DHPS: variants seen among roughly 807,000 people sequenced by gnomAD.
DHPS encodes the protein migration-inducing gene 13.
A neutral mutation model predicts 38.7 loss-of-function variants in DHPS; 24 were observed. The ratio of observed to expected loss-of-function variants is 0.62; its 90% CI spans 0.45 to 0.87. The LOEUF is 0.87. Ranked by LOEUF, DHPS falls within the 40% of genes least tolerant of loss-of-function variation. DHPS has a pLI of 0.00. For synonymous variants in DHPS, 250 were observed against 204.4 expected (o/e 1.22, Z -1.90); for missense variants, 510 against 497.6 (o/e 1.02, Z -0.24).
chr19:12,677,979 G>A (rs1172343965), intron 5 of DHPS, among the ~76,000 whole-genome samples: 5 of 150,878 alleles, frequency 3.3e-5, no homozygotes, highest in Non-Finnish European at 7.4e-5. Flanking sequence ...GTGGCCGGGC[G>A]CGGTGGCTCA....
At position 12,679,367 on chromosome 19, in the gene DHPS, T is replaced by A. The variant is rs1265962299; in HGVS notation, c.678+90A>T. The A allele has an allele frequency of 2.5e-5, 31 of 1,224,382 alleles. No homozygotes were observed. In the East Asian group the frequency reaches 6.7e-4, roughly 27 times the overall value. The allele number at this position is 1,224,382 out of a possible 1,614,324, so 75.8% of individuals were successfully genotyped here. ...CATCTAAGAGTGAGGATGCTGAGAA[T>A]AACAGTACTGAATCCCCAGGAGGCT... On this transcript the variant is annotated intron_variant, in intron 5 of 8. Transcript: ENST00000210060.
chr19:12,679,883 C>G lies in DHPS; in HGVS notation c.412G>C (p.Asp138His), dbSNP rs2024741544. 4.3e-6 allele frequency: 7 copies of G among 1,614,018 alleles called. No homozygotes were observed. The highest frequency in any genetic ancestry group is 1.1e-5 in the South Asian group (1 of 91,074). Reference protein sequence around the residue: ...LVTTAGGVEEDLIKCLAPTYL... With the variant: ...LVTTAGGVEEHLIKCLAPTYL... ...GTGGGCGCCAGGCACTTGATGAGGT[C>G]TTCCTCCACGCCGCCAGCTGTGGTC... is the stretch of plus-strand genomic sequence containing the variant. The change falls in exon 3 of 9, where the codon GAC (aspartate) becomes CAC (histidine). Residue 138 changes from aspartate (D) to histidine (H), a missense_variant. Asp to His is a moderately conservative substitution (Grantham distance 81). Coordinates refer to ENST00000210060, the MANE Select transcript of DHPS (RefSeq NM_001930.4).
In DHPS at chr19:12,678,940, T is replaced by C. The variant is rs1286614583; in HGVS notation, c.678+517A>G. Among the ~76,000 whole-genome samples the C allele has an allele frequency of 2.6e-5, 4 of 150,982 alleles. No homozygotes were observed. The South Asian group carries it at 6.3e-4, about 24-fold the overall frequency. ...AGTGTTGCCTCTACTGTTCCAGAGATAGTCTGGGAGGAGCATAAGGATGCT... is the reference window on the plus strand; with the variant it reads ...AGTGTTGCCTCTACTGTTCCAGAGACAGTCTGGGAGGAGCATAAGGATGCT... On this transcript the variant is annotated intron_variant, in intron 5 of 8. Transcript: ENST00000210060.
Position 12,681,786 on chromosome 19 carries a change from G to C in DHPS, c.-20C>G, listed in dbSNP as rs751906969. The C allele has an allele frequency of 1.0e-5, 16 of 1,599,160 alleles. No individual in the cohort carries two copies. Among genetic ancestry groups the C allele is most frequent in the African/African-American group, 1.3e-5 (1 of 74,760 alleles). ...TTCCATGCGCCTATAGCCGGCTCTC[G>C]AGTCAAAGCTGCCCCTAGGCCGGGC... is the stretch of plus-strand genomic sequence containing the variant. On this transcript the variant is annotated 5_prime_UTR_variant, in exon 1 of 9. Transcript: ENST00000210060.
downstream of DHPS, among the ~76,000 whole-genome samples, chr19:12,675,309 G>A (rs2024541516): frequency 6.6e-6 from 1 of 152,152 alleles, no homozygotes; most frequent in Admixed American, 6.5e-5. Flanking sequence ...AAGACTTGCG[G>A]CCTGAACACC....
downstream of DHPS, chr19:12,675,639 G>C: frequency 6.2e-7 from 1 of 1,601,670 alleles, no homozygotes; most frequent in Non-Finnish European, 8.5e-7. Context: ...GCTGGCGAGA[G>C]GAGGCCTATG....
downstream of DHPS, chr19:12,673,411 T>TA (rs1491207660): frequency 1.1e-5 from 1 of 92,834 alleles, no homozygotes; most frequent in Non-Finnish European, 1.9e-5. Context: ...GGCTAGGATC[T>TA]TTTTTTTTTT....
intron 1 of DHPS, chr19:12,681,078 C>T (rs1351185899): frequency 8.2e-7 from 1 of 1,221,270 alleles, no homozygotes. Flanking sequence ...TTGATCCACC[C>T]GCCTCGGCTT....
chr19:12,681,099 T>G (rs1464343058), intron 1 of DHPS: 1 of 1,269,766 alleles, frequency 7.9e-7, no homozygotes. Context: ...CCCAAAATGC[T>G]GGGATTATAG....
At chr19:12,678,845 G>C (rs1315823237) in intron 5 of DHPS, among the ~76,000 whole-genome samples, 1 of 149,042 alleles carries the variant, frequency 6.7e-6, no homozygotes, top group Non-Finnish European at 1.5e-5. Flanking sequence ...TAATTAAAGG[G>C]AGTGGGTAGC....
intron 5 of DHPS, among the ~76,000 whole-genome samples, chr19:12,677,936 C>T (rs1402339010): frequency 6.6e-6 from 1 of 150,938 alleles, no homozygotes; most frequent in Non-Finnish European, 1.5e-5. Flanking sequence ...CCACCGTGCC[C>T]GGCCGTCTAA....
Position 12,681,708 on chromosome 19 carries a change from T to C in DHPS, c.59A>G (p.His20Arg), listed in dbSNP as rs772411510. Residue 20 changes from histidine to arginine, a missense_variant, in exon 1 of 9, where the codon CAC (histidine) becomes CGC (arginine). Coordinates refer to ENST00000210060, the MANE Select transcript of DHPS (RefSeq NM_001930.4). ...PAGALAAVLK[H>R]SSTLPPESTQ... ...GCTTTCGGGCGGCAACGTCGAGCTG[T>C]GCTTTAGCACGGCGGCCAGCGCCCC... The C allele has an allele frequency of 2.5e-6, 4 of 1,613,750 alleles. No homozygotes were observed. In the East Asian group the frequency reaches 6.7e-5, roughly 27 times the overall value.
At position 12,675,947 on chromosome 19, in the gene DHPS, A is replaced by C; in HGVS notation, c.1015-14T>G. The stretch of plus-strand genomic sequence containing the variant: ...GTCAGCATAGACCTGGGTAGGGGGG[A>C]ACCTGGGTAAGCCATGGGACCCACA... On this transcript the variant is annotated splice_polypyrimidine_tract_variant and intron_variant, in intron 8 of 8. Transcript: ENST00000210060. 1.9e-6 allele frequency: 3 copies of C among 1,602,574 alleles called. No homozygotes were observed. Among genetic ancestry groups the C allele is most frequent in the Non-Finnish European group, 2.6e-6 (3 of 1,173,224 alleles).
At chr19:12,673,383 G>C, downstream of DHPS, 1 of 690,080 alleles carries the variant, frequency 1.4e-6, no homozygotes, top group Admixed American at 2.0e-5. Flanking sequence ...CCTTACCTCA[G>C]TCACTCCAGG....
At chr19:12,673,410 C>CTTT (rs58676851), downstream of DHPS, 248 of 247,860 alleles carry the variant, frequency 1.0e-3, no homozygotes, top group Middle Eastern at 1.4e-3. Context: ...AGGCTAGGAT[C>CTTT]TTTTTTTTTT....
chr19:12,672,541 G>A (rs2024454214), downstream of DHPS: 2 of 379,590 alleles, frequency 5.3e-6, no homozygotes, highest in African/African-American at 2.1e-5. Context: ...CCGGGAGGCA[G>A]AGGTTCCGGT....
chr19:12,674,582 A>T (rs998330463), downstream of DHPS, among the ~76,000 whole-genome samples: 2 of 152,192 alleles, frequency 1.3e-5, no homozygotes, highest in Non-Finnish European at 2.9e-5. Flanking sequence ...GACATTTTCA[A>T]GGTGGAAAGA....
rs202182413 is a variant in DHPS at position 12,681,775 on chromosome 19, A to T, written c.-9T>A. 512 of 1,604,504 alleles carry T rather than the reference A, an allele frequency of 3.2e-4. 1 individual carries two copies. In the East Asian group the frequency reaches 5.2e-3, roughly 16 times the overall value. On this transcript the variant is annotated 5_prime_UTR_variant, in exon 1 of 9. Coordinates refer to ENST00000210060, the MANE Select transcript of DHPS (RefSeq NM_001930.4). The stretch of plus-strand genomic sequence containing the variant: ...TCCAGGGAACCTTCCATGCGCCTAT[A>T]GCCGGCTCTCGAGTCAAAGCTGCCC...
At chr19:12,679,987 T>A (rs1294595598) in intron 2 of DHPS, 65 bp from the exon 3 acceptor site, 1 of 1,573,898 alleles carries the variant, frequency 6.4e-7, no homozygotes, top group African/African-American at 1.4e-5. Flanking sequence ...TGGGCAGAAC[T>A]TCTAACCTCA....
Sources: allele counts gnomAD v4.1 joint callset (sites outside exome capture counted in the v4.1 genomes callset), GRCh38; gene constraint gnomAD v4.1.1; transcripts MANE v1.5; gene names NCBI Gene and HGNC (gene_info 2026-07-23, HGNC 2026-07-21).